DMD: variants seen among roughly 807,000 people sequenced by gnomAD.
DMD encodes the protein mutant dystrophin.
In DMD, 63 loss-of-function variants were observed where a neutral mutation model predicts 330.1. That is an observed-to-expected ratio of 0.19 (90% CI 0.16 to 0.24). DMD has a LOEUF of 0.24. DMD is among the 10% of genes least tolerant of loss of function. The pLI, the probability that DMD is intolerant of heterozygous loss-of-function variation, is 1.00. For synonymous variants in DMD, 1,223 were observed against 959.8 expected (o/e 1.27, Z -5.07); for missense variants, 3,344 against 2,684.1 (o/e 1.25, Z -5.43).
chrX:31,336,151 C>T (rs1056754305), intron 61 of DMD, among the ~76,000 whole-genome samples: 2 of 112,664 alleles, frequency 1.8e-5, no homozygotes, highest in African/African-American at 6.4e-5. Context: ...AAAGCAACTT[C>T]AAATAATTCC....
At chrX:33,055,830 T>C (rs2094510699) in intron 1 of DMD, among the ~76,000 whole-genome samples, 1 of 111,536 alleles carries the variant, frequency 9.0e-6, no homozygotes, top group Non-Finnish European at 1.9e-5. Flanking sequence ...TGAGCCTCTT[T>C]CAAAGCCTCA....
At chrX:32,379,383 C>T (rs1252370835) in intron 34 of DMD, among the ~76,000 whole-genome samples, 1 of 110,635 alleles carries the variant, frequency 9.0e-6, no homozygotes, top group Non-Finnish European at 1.9e-5. Context: ...TGAATGATTT[C>T]ATGGTGAGGC....
At chrX:32,565,641 C>G in intron 16 of DMD, 61 bp downstream of exon 16, 1 of 1,115,459 alleles carries the variant, frequency 9.0e-7, no homozygotes, top group Non-Finnish European at 1.2e-6. Flanking sequence ...ATGTCACTCT[C>G]TTAATGCAGG....
At chrX:32,722,247 C>G (rs1166815670) in intron 7 of DMD, among the ~76,000 whole-genome samples, 1 of 109,810 alleles carries the variant, frequency 9.1e-6, no homozygotes, top group Non-Finnish European at 1.9e-5. Context: ...TCCACGGATG[C>G]AACTGTAGAC....
chrX:31,637,052 A>C (rs1051184444), intron 54 of DMD, among the ~76,000 whole-genome samples: 4 of 112,288 alleles, frequency 3.6e-5, no homozygotes, highest in African/African-American at 1.3e-4. Context: ...ACATGAAAAT[A>C]AAATACTTCA....
intron 42 of DMD, among the ~76,000 whole-genome samples, chrX:32,304,852 AT>A (rs1370134073): frequency 9.0e-6 from 1 of 111,618 alleles, no homozygotes; most frequent in Non-Finnish European, 1.9e-5. Flanking sequence ...GTCACAATGT[AT>A]TAATAAAAAT....
chrX:32,253,063 A>C (rs1479608265), intron 43 of DMD, among the ~76,000 whole-genome samples: 2 of 102,982 alleles, frequency 1.9e-5, no homozygotes, highest in Non-Finnish European at 3.9e-5. Flanking sequence ...AGTGAGGGAA[A>C]ACAGTTTTAT....
chrX:32,901,545 C>T (rs925985286), intron 2 of DMD, among the ~76,000 whole-genome samples: 34 of 110,988 alleles, frequency 3.1e-4, no homozygotes, highest in Non-Finnish European at 6.0e-4. Flanking sequence ...TGAGAAATTA[C>T]CTAACTTTGA....
intron 4 of DMD, among the ~76,000 whole-genome samples, chrX:32,842,654 T>A (rs1237491600): frequency 9.0e-6 from 1 of 111,443 alleles, no homozygotes; most frequent in Non-Finnish European, 1.9e-5. Context: ...TAGCTCGTAC[T>A]TATTGAGAAT....
intron 21 of DMD, among the ~76,000 whole-genome samples, chrX:32,481,320 C>T (rs1360886850): frequency 8.9e-6 from 1 of 111,753 alleles, no homozygotes; most frequent in African/African-American, 3.2e-5. Flanking sequence ...GGACTCTCCT[C>T]TGTGTGGCTA....
At chrX:32,478,109 G>T (rs1010817086) in intron 21 of DMD, among the ~76,000 whole-genome samples, 1 of 111,464 alleles carries the variant, frequency 9.0e-6, no homozygotes, top group Non-Finnish European at 1.9e-5. Context: ...GATAGAAGCT[G>T]GAAAAGGCAC....
intron 7 of DMD, among the ~76,000 whole-genome samples, chrX:32,782,981 T>C (rs1457711473): frequency 9.6e-6 from 1 of 104,362 alleles, no homozygotes; most frequent in Non-Finnish European, 2.0e-5. Context: ...TATATATACC[T>C]ATATGGTGTG....
intron 13 of DMD, among the ~76,000 whole-genome samples, chrX:32,591,310 T>G (rs754086354): frequency 5.3e-5 from 6 of 112,215 alleles, no homozygotes; most frequent in African/African-American, 3.2e-5. Context: ...TATAGTTGGC[T>G]CTCAACTTTT....
intron 21 of DMD, among the ~76,000 whole-genome samples, chrX:32,476,899 A>T (rs933017820): frequency 9.0e-6 from 1 of 111,081 alleles, no homozygotes; most frequent in Non-Finnish European, 1.9e-5. Context: ...GAGATTAATA[A>T]TCCAACAGAT....
At chrX:32,070,619 A>G (rs1007052916) in intron 44 of DMD, among the ~76,000 whole-genome samples, 8 of 111,331 alleles carry the variant, frequency 7.2e-5, no homozygotes, top group African/African-American at 2.3e-4. Context: ...CTATATATAT[A>G]TATATGAATA....
intron 44 of DMD, chrX:32,206,498 C>A: frequency 1.7e-6 from 1 of 575,643 alleles, no homozygotes; most frequent in African/African-American, 2.2e-5. Flanking sequence ...ATGGAAAAGA[C>A]TCAAAACCGT....
intron 9 of DMD, among the ~76,000 whole-genome samples, chrX:32,645,884 GTGT>G (rs1250763576): frequency 8.9e-6 from 1 of 112,259 alleles, no homozygotes; most frequent in African/African-American, 3.2e-5. Flanking sequence ...CAAGAGCAAA[GTGT>G]ACGAAGCATC....
At chrX:32,442,687 A>T (rs926680788) in intron 27 of DMD, among the ~76,000 whole-genome samples, 2 of 110,890 alleles carry the variant, frequency 1.8e-5, no homozygotes, top group Non-Finnish European at 3.8e-5. Context: ...GGATAACAAG[A>T]CTGTTACAAC....
chrX:31,461,583 TG>T (rs2066528450), intron 59 of DMD, among the ~76,000 whole-genome samples: 1 of 111,874 alleles, frequency 8.9e-6, no homozygotes, highest in South Asian at 3.7e-4. Context: ...TTACTAATAG[TG>T]ATCACTTTCT....
Sources: gnomAD v4.1 joint callset for allele counts (sites outside exome capture counted in the v4.1 genomes callset) on GRCh38, gnomAD v4.1.1 for gene constraint, MANE v1.5 for transcripts, NCBI Gene and HGNC (gene_info 2026-07-23, HGNC 2026-07-21) for gene names.